The following CSMD1 variants were observed in gnomAD, a reference collection of about 807,000 sequenced individuals.
The protein encoded by CSMD1 is CUB and Sushi multiple domains 1.
CSMD1 carries 213 observed loss-of-function variants against 417.5 expected under a neutral mutation model. That is an observed-to-expected ratio of 0.51 (90% CI 0.46 to 0.57). The LOEUF (loss-of-function observed/expected upper bound fraction) is 0.57. Ranked by LOEUF, CSMD1 falls within the 20% of genes least tolerant of loss-of-function variation. The probability of loss-of-function intolerance (pLI) is 0.00; values close to 1 mark genes in which losing one functional copy is unlikely to be tolerated. For missense variants in CSMD1, 6,923 were observed against 4,529.7 expected (o/e 1.53, Z -15.17); for synonymous variants, 2,862 against 1,736.8 (o/e 1.65, Z -16.11).
chr8:4,091,578 T>A (rs1225048832), intron 3 of CSMD1, among the ~76,000 whole-genome samples: 1 of 152,212 alleles, frequency 6.6e-6, no homozygotes, highest in East Asian at 1.9e-4. Context: ...TATCCCTCAG[T>A]ATTATAATTG....
chr8:4,375,651 G>C (rs1363709061), intron 3 of CSMD1, among the ~76,000 whole-genome samples: 1 of 152,112 alleles, frequency 6.6e-6, no homozygotes, highest in Non-Finnish European at 1.5e-5. Context: ...GTCGCGGCTG[G>C]TGGAAGGATA....
In CSMD1 at chr8:4,042,815, TAA is replaced by T. The variant is rs60411612; in HGVS notation, c.416-10718_416-10717del. Among the ~76,000 whole-genome samples, 71 of 41,306 alleles carry T rather than the reference TAA, an allele frequency of 1.7e-3. 2 individuals carry two copies. The highest frequency in any genetic ancestry group is 4.9e-3 in the African/African-American group (51 of 10,342). 27.1% of individuals were successfully genotyped at this position (41,306 alleles called of 152,430 possible). A position where few individuals can be genotyped will look rare whatever the true frequency, so the allele number is the denominator to read the frequency against. On this transcript the variant is annotated intron_variant, in intron 3 of 69. Transcript: ENST00000635120. ...CAATAGGTGAAGTGGTACAACATAT[TAA>T]AAAAAAAAAAAAAAAAAAAAAAAAA...
intron 6 of CSMD1, among the ~76,000 whole-genome samples, chr8:3,711,514 G>C (rs1801508002): frequency 1.3e-5 from 2 of 152,194 alleles, no homozygotes; most frequent in South Asian, 2.1e-4. Context: ...CTCTCAGAGA[G>C]GGACTTGCTC....
intron 1 of CSMD1, among the ~76,000 whole-genome samples, chr8:4,646,803 C>A (rs569719251): frequency 6.6e-6 from 1 of 152,108 alleles, no homozygotes; most frequent in Non-Finnish European, 1.5e-5. Flanking sequence ...TACAAGCTCT[C>A]TAAGAGGACA....
Position 3,865,315 on chromosome 8 carries a change from C to T in CSMD1, c.819-111273G>A, listed in dbSNP as rs142096165. The stretch of plus-strand genomic sequence containing the variant: ...GGTACTTCAATGTGACATACGCACT[C>T]AATTTTTAATCTGTAAACTCTGAAA... On this transcript the variant is annotated intron_variant, in intron 5 of 69. Transcript: ENST00000635120. 8.0e-3 allele frequency among the ~76,000 whole-genome samples: 1,211 copies of T among 152,282 alleles called. 17 individuals carry two copies. Among genetic ancestry groups the T allele is most frequent in the African/African-American group, 0.027 (1,118 of 41,564 alleles).
At chr8:4,281,987 C>G (rs925027530) in intron 3 of CSMD1, among the ~76,000 whole-genome samples, 13 of 152,222 alleles carry the variant, frequency 8.5e-5, no homozygotes, top group African/African-American at 3.1e-4. Flanking sequence ...ATGCATTCAA[C>G]TATAGCAAGG....
chr8:4,377,680 A>C (rs1017529250), intron 3 of CSMD1, among the ~76,000 whole-genome samples: 5 of 152,194 alleles, frequency 3.3e-5, no homozygotes, highest in Non-Finnish European at 5.9e-5. Context: ...ATTTCTATTA[A>C]GCTTTTAAAA....
At chr8:4,588,524 G>A (rs564111223) in intron 2 of CSMD1, among the ~76,000 whole-genome samples, 78 of 151,896 alleles carry the variant, frequency 5.1e-4, no homozygotes, top group Non-Finnish European at 8.4e-4. Context: ...GCCGGGCATG[G>A]TGGCACATGC....
intron 20 of CSMD1, among the ~76,000 whole-genome samples, chr8:3,361,651 C>CAAAAAAA (rs765648287): frequency 3.5e-4 from 28 of 79,144 alleles, no homozygotes; most frequent in East Asian, 1.3e-3. Flanking sequence ...GATTCCATCT[C>CAAAAAAA]AAAAAAAAAA....
chr8:3,974,173 C>T (rs1381029801), intron 5 of CSMD1, among the ~76,000 whole-genome samples: 1 of 152,038 alleles, frequency 6.6e-6, no homozygotes, highest in African/African-American at 2.4e-5. Context: ...CTCGCACACA[C>T]CCCCACAGTT....
chr8:3,465,077 A>T (rs919203352), intron 12 of CSMD1, among the ~76,000 whole-genome samples: 3 of 152,142 alleles, frequency 2.0e-5, no homozygotes, highest in East Asian at 3.9e-4. Flanking sequence ...TAACATACAC[A>T]TGCCAACTGA....
intron 7 of CSMD1, among the ~76,000 whole-genome samples, chr8:3,693,207 T>A (rs931414628): frequency 6.6e-6 from 1 of 152,212 alleles, no homozygotes; most frequent in African/African-American, 2.4e-5. Flanking sequence ...ATACTGTTCA[T>A]CAAATGCTTG....
intron 11 of CSMD1, 119 bp downstream of exon 11, chr8:3,493,504 T>A: frequency 2.8e-6 from 2 of 706,816 alleles, no homozygotes; most frequent in Non-Finnish European, 4.8e-6. Flanking sequence ...ACATTAGCCA[T>A]AGATGGCACT....
chr8:3,626,948 A>G (rs1044267294), intron 7 of CSMD1, among the ~76,000 whole-genome samples: 3 of 151,498 alleles, frequency 2.0e-5, no homozygotes, highest in African/African-American at 2.4e-5. Context: ...AGTTTTAAAT[A>G]CACAGTTATA....
chr8:4,114,232 T>G (rs982447292), intron 3 of CSMD1, among the ~76,000 whole-genome samples: 1 of 152,206 alleles, frequency 6.6e-6, no homozygotes, highest in Non-Finnish European at 1.5e-5. Context: ...AATGTTTGTT[T>G]AACATTTTGA....
intron 2 of CSMD1, among the ~76,000 whole-genome samples, chr8:4,424,089 C>G (rs530166161): frequency 6.6e-6 from 1 of 151,956 alleles, no homozygotes; most frequent in East Asian, 1.9e-4. Flanking sequence ...AGCAATTAGA[C>G]TCTTAGGAAA....
intron 12 of CSMD1, among the ~76,000 whole-genome samples, chr8:3,410,634 C>T (rs1457473155): frequency 6.6e-6 from 1 of 152,196 alleles, no homozygotes; most frequent in Non-Finnish European, 1.5e-5. Flanking sequence ...ACTGTAAGTC[C>T]ATTAAACCTT....
chr8:4,134,828 TG>T (rs1803320683), intron 3 of CSMD1, among the ~76,000 whole-genome samples: 1 of 152,208 alleles, frequency 6.6e-6, no homozygotes, highest in Admixed American at 6.5e-5. Context: ...TCCTTGGCCT[TG>T]GCTGTTGAAA....
intron 26 of CSMD1, among the ~76,000 whole-genome samples, chr8:3,256,621 T>C (rs1011355957): frequency 6.6e-5 from 10 of 152,228 alleles, no homozygotes; most frequent in African/African-American, 2.2e-4. Flanking sequence ...CTTTTGACTC[T>C]GAATCCCACT....
Sources: gnomAD v4.1 joint callset for allele counts (sites outside exome capture counted in the v4.1 genomes callset) on GRCh38, gnomAD v4.1.1 for gene constraint, MANE v1.5 for transcripts, NCBI Gene and HGNC (gene_info 2026-07-23, HGNC 2026-07-21) for gene names.